The following LAMB2 variants were observed in gnomAD, a reference collection of about 807,000 sequenced individuals.
The protein encoded by LAMB2 is laminin subunit beta 2.
Under a neutral mutation model 202.7 loss-of-function variants are expected in LAMB2, and 119 were observed. That is an observed-to-expected ratio of 0.59 (90% CI 0.51 to 0.68). LAMB2 has a LOEUF of 0.68. LAMB2 is among the 30% of genes least tolerant of loss of function. LAMB2 has a pLI of 0.00. For synonymous variants in LAMB2, 818 were observed against 902.2 expected, an observed-to-expected ratio of 0.91 and a Z score of 1.67; for missense variants, 2,124 against 2,410.6, an observed-to-expected ratio of 0.88 and a Z score of 2.49.
chr3:49,126,166 G>C lies in LAMB2; in HGVS notation c.2152-7C>G, dbSNP rs1305912740. On this transcript the variant is annotated splice_polypyrimidine_tract_variant and splice_region_variant and intron_variant, in intron 16 of 31. Transcript: ENST00000305544. The stretch of plus-strand genomic sequence containing the variant: ...CACGGGGCAGCAGCACCAGCTGAAG[G>C]AGTGAGCAAGGAAGATCGCAGTTCA... 1 of 1,611,596 alleles carries C rather than the reference G, an allele frequency of 6.2e-7. No homozygotes were observed. Among genetic ancestry groups the C allele is most frequent in the Admixed American group, 1.7e-5 (1 of 60,012 alleles).
At position 49,121,376 on chromosome 3, in the gene LAMB2, G is replaced by T. The variant is rs773878011; in HGVS notation, c.5261-14C>A. 8 of 1,614,110 alleles carry T rather than the reference G, an allele frequency of 5.0e-6. No individual in the cohort carries two copies. Among genetic ancestry groups the T allele is most frequent in the Non-Finnish European group, 6.8e-6 (8 of 1,180,022 alleles). On this transcript the variant is annotated splice_polypyrimidine_tract_variant and intron_variant, in intron 31 of 31. Transcript: ENST00000305544. ...TGCCTTCCAATTCTAGGAAGGGCAG[G>T]TGTCAGTTTAGGGGGGGTTTCCCGC...
rs2107644353 is a variant in LAMB2, at chr3:49,131,102, A to G, written c.763T>C (p.Leu255=). The change falls in exon 7 of 32, where the codon TTG becomes CTG. Residue 255 remains leucine (L), a synonymous_variant. Transcript: ENST00000305544. The surrounding 1 kb of genome is among the most constrained non-coding windows in gnomAD (Gnocchi z 5.0). The part of the protein sequence containing the change: ...LRVNLTRLHT[L]GDNLLDPRRE... Reference sequence around the variant, plus strand: ...CGTGGGTCGAGTAGGTTGTCTCCCAACGTGTGTAGACGAGTCAGGTTCACC... The same window carrying G: ...CGTGGGTCGAGTAGGTTGTCTCCCAGCGTGTGTAGACGAGTCAGGTTCACC... The G allele has an allele frequency of 1.2e-6, 2 of 1,613,624 alleles. No individual in the cohort carries two copies. The highest frequency in any genetic ancestry group is 2.2e-5 in the South Asian group (2 of 91,076).
Position 49,132,581 on chromosome 3 carries a change from G to A in LAMB2, c.159C>T (p.Asp53=). The change falls in exon 2 of 32, where the codon GAC becomes GAT. Residue 53 remains aspartate (D), a synonymous_variant. Transcript: ENST00000305544. The surrounding 1 kb of genome is among the most constrained non-coding windows in gnomAD (Gnocchi z 4.6). The part of the protein sequence containing the change: ...SRGSCYPATG[D]LLVGRADRLT... ...GTCTGTCAGCTCGGCCCACCAGCAG[G>A]TCGCCCGTGGCGGGGTAGCAGCTTC... 1.9e-6 allele frequency: 3 copies of A among 1,613,822 alleles called. No individual in the cohort carries two copies. Among genetic ancestry groups the A allele is most frequent in the Non-Finnish European group, 2.5e-6 (3 of 1,180,040 alleles).
At chr3:49,126,320 G>A (rs752951640) in intron 16 of LAMB2, 45 bp downstream of exon 16, 38 of 1,613,486 alleles carry the variant, frequency 2.4e-5, no homozygotes, top group Middle Eastern at 1.6e-4. Flanking sequence ...CCCACACCAC[G>A]GGCCCTGCCA....
Position 49,121,502 on chromosome 3 carries a change from C to T in LAMB2, c.5191G>A (p.Ala1731Thr), listed in dbSNP as rs779386226. 2.5e-6 allele frequency: 4 copies of T among 1,613,950 alleles called. No individual in the cohort carries two copies. The highest frequency in any genetic ancestry group is 3.4e-6 in the Non-Finnish European group (4 of 1,180,044). The stretch of plus-strand genomic sequence containing the variant: ...CGAGCCTCATCCCGCAGTTGTTCTG[C>T]CCTTGCCTGTGCAGCCAGCACACCT... ...AQGVLAAQAR[A>T]EQLRDEARDL... Residue 1731 changes from alanine to threonine, a missense_variant, in exon 31 of 32, where the codon GCA becomes ACA. Physicochemically the swap from Ala to Thr is moderately conservative, Grantham distance 58. Transcript: ENST00000305544.
chr3:49,130,288 G>A lies in LAMB2; in HGVS notation c.1168C>T (p.Arg390Trp), dbSNP rs749837474. 3.0e-5 allele frequency: 48 copies of A among 1,614,094 alleles called. No individual in the cohort carries two copies. The highest frequency in any genetic ancestry group is 2.2e-5 in the South Asian group (2 of 91,088). Residue 390 changes from arginine (R) to tryptophan (W), a missense_variant, in exon 9 of 32, where the codon CGG (arginine) becomes TGG (tryptophan). Transcript: ENST00000305544. This position sits in a 1 kb window ranked among gnomAD's most constrained non-coding sequence, Gnocchi z 5.0. The part of the protein sequence containing the change: ...NTAGRHCELC[R>W]PFFYRDPTKD... ...GTTGGGTCACGGTAGAAGAAGGGCC[G>A]ACAGAGCTCACAGTGGCGCCCAGCT...
In LAMB2 at chr3:49,132,629, C is replaced by A; in HGVS notation, c.111G>T (p.Pro37=). Residue 37 remains proline (P), a synonymous_variant, in exon 2 of 32, where the codon CCG becomes CCT. Coordinates refer to ENST00000305544, the MANE Select transcript of LAMB2 (RefSeq NM_002292.4). The surrounding 1 kb of genome is among the most constrained non-coding windows in gnomAD (Gnocchi z 4.6). ...LAATLAQAPA[P]DVPGCSRGSC... is the part of the protein sequence containing the mutation. ...TTCCCCTGGAACAGCCAGGCACATC[C>A]GGGGCAGGGGCCTGTGCCAGTGTGG... 1 of 1,613,992 alleles carries A rather than the reference C, an allele frequency of 6.2e-7. No homozygotes were observed. Among genetic ancestry groups the A allele is most frequent in the Non-Finnish European group, 8.5e-7 (1 of 1,180,012 alleles).
chr3:49,131,172 G>T lies in LAMB2; in HGVS notation c.713-20C>A, dbSNP rs761966305. The T allele has an allele frequency of 1.2e-6, 2 of 1,610,672 alleles. No individual in the cohort carries two copies. Among genetic ancestry groups the T allele is most frequent in the Non-Finnish European group, 1.7e-6 (2 of 1,178,218 alleles). ...ACAGGTCTGAGGCGGGGGAAGGGGG[G>T]CCAACTGACCAGGCAGGCCCTTGCT... On this transcript the variant is annotated intron_variant, in intron 6 of 31. Coordinates refer to ENST00000305544, the MANE Select transcript of LAMB2 (RefSeq NM_002292.4). This position sits in a 1 kb window ranked among gnomAD's most constrained non-coding sequence, Gnocchi z 5.0.
At position 49,131,451 on chromosome 3, in the gene LAMB2, G is replaced by A; in HGVS notation, c.649-9C>T. 3 of 1,614,116 alleles carry A rather than the reference G, an allele frequency of 1.9e-6. No individual in the cohort carries two copies. The highest frequency in any genetic ancestry group is 2.5e-6 in the Non-Finnish European group (3 of 1,180,010). ...AGCACACGATAGATGACCTGGAGAA[G>A]CAGGGAGTTCATAGTCACACTGGAC... On this transcript the variant is annotated splice_polypyrimidine_tract_variant and intron_variant, in intron 5 of 31. Coordinates refer to ENST00000305544, the MANE Select transcript of LAMB2 (RefSeq NM_002292.4). The surrounding 1 kb of genome is among the most constrained non-coding windows in gnomAD (Gnocchi z 5.0).
At chr3:49,127,372 C>T (rs1390912704) in intron 15 of LAMB2, among the ~76,000 whole-genome samples, 7 of 152,098 alleles carry the variant, frequency 4.6e-5, no homozygotes, top group Non-Finnish European at 1.0e-4. Context: ...ATTCTCTTTC[C>T]TTCTGTTTGA....
chr3:49,124,836 T>C lies in LAMB2; in HGVS notation c.2974A>G (p.Ile992Val), dbSNP rs529614319. 369 of 1,614,114 alleles carry C rather than the reference T, an allele frequency of 2.3e-4. 2 individuals are homozygous for C. In the South Asian group the frequency reaches 3.9e-3, roughly 17 times the overall value. Reference sequence around the variant, plus strand: ...CAGGCATCAGGATCCATTGGGTCAATGTTCCCACTGCACTCACACAGTTGG... The same window carrying C: ...CAGGCATCAGGATCCATTGGGTCAACGTTCCCACTGCACTCACACAGTTGG... ...RCQLCECSGN[I>V]DPMDPDACDP... Residue 992 changes from isoleucine (I) to valine (V), a missense_variant, in exon 21 of 32, where the codon ATT becomes GTT. Around this residue, in one of 3 missense-constraint regions of LAMB2, gnomAD observed 1,702 missense variants for 1,896.3 expected, o/e 0.90. Transcript: ENST00000305544.
In LAMB2 at chr3:49,129,094, C is replaced by T. The variant is rs1040055418; in HGVS notation, c.1657G>A (p.Glu553Lys). 1 of 1,613,974 alleles carries T rather than the reference C, an allele frequency of 6.2e-7. No homozygotes were observed. Among genetic ancestry groups the T allele is most frequent in the Admixed American group, 1.7e-5 (1 of 60,024 alleles). The change falls in exon 13 of 32, where the codon GAG becomes AAG. Residue 553 changes from glutamate (E) to lysine (K), a missense_variant. Glu to Lys is a moderately conservative substitution (Grantham distance 56). This residue lies in a region of LAMB2 where 1,702 missense variants were observed against 1,896.3 expected (regional missense o/e 0.90). Transcript: ENST00000305544. This position sits in a 1 kb window ranked among gnomAD's most constrained non-coding sequence, Gnocchi z 6.1. ...CGGAAGTAGCCAGGTTGCACCTGCT[C>T]ACAGCGTCGCCCAACCATGTGCTGG... is the stretch of plus-strand genomic sequence containing the variant. ...CRQHMVGRRC[E>K]QVQPGYFRPF...
rs758124972 is a variant in LAMB2, at chr3:49,124,582, G to A, written c.3140C>T (p.Pro1047Leu). Residue 1047 changes from proline (P) to leucine (L), a missense_variant, in exon 22 of 32, where the codon CCG (proline) becomes CTG (leucine). By Grantham distance (98) the Pro-to-Leu change is moderately conservative. This residue lies in a region of LAMB2 where 1,702 missense variants were observed against 1,896.3 expected (regional missense o/e 0.90). Transcript: ENST00000305544. ...RCTCNLLGTN[P>L]QQCPSPDQCH... Reference sequence around the variant, plus strand: ...CTGGTCAGGAGATGGGCACTGCTGCGGATTTGTGCCCAGCAGGTTGCATGT... The same window carrying A: ...CTGGTCAGGAGATGGGCACTGCTGCAGATTTGTGCCCAGCAGGTTGCATGT... The A allele has an allele frequency of 1.5e-5, 25 of 1,613,586 alleles. No individual in the cohort carries two copies. The highest frequency in any genetic ancestry group is 1.0e-4 in the Admixed American group (6 of 59,974).
Position 49,131,915 on chromosome 3 carries a change from G to C in LAMB2, c.460-192C>G, listed in dbSNP as rs963946202. ...AGACTCAGGGTTCATGGGGCTCAGGGAGACAGCGCCTGACCCAGCCTGGGA... is the reference window on the plus strand; with the variant it reads ...AGACTCAGGGTTCATGGGGCTCAGGCAGACAGCGCCTGACCCAGCCTGGGA... On this transcript the variant is annotated intron_variant, in intron 4 of 31. Transcript: ENST00000305544. This position sits in a 1 kb window ranked among gnomAD's most constrained non-coding sequence, Gnocchi z 5.0. 2.0e-5 allele frequency among the ~76,000 whole-genome samples: 3 copies of C among 152,202 alleles called. No homozygotes were observed. The highest frequency in any genetic ancestry group is 6.5e-5 in the Admixed American group (1 of 15,278).
Position 49,125,412 on chromosome 3 carries a change from G to C in LAMB2, c.2561C>G (p.Thr854Ser). Residue 854 changes from threonine (T) to serine (S), a missense_variant, in exon 19 of 32, where the codon ACT becomes AGT. This residue lies in a region of LAMB2 where 1,702 missense variants were observed against 1,896.3 expected (regional missense o/e 0.90). Coordinates refer to ENST00000305544, the MANE Select transcript of LAMB2 (RefSeq NM_002292.4). ...GTCACAGCGAAGCCCAAAGGCACCAGTTCGACAGAGACATTGCCCACTGGT... is the reference window on the plus strand; with the variant it reads ...GTCACAGCGAAGCCCAAAGGCACCACTTCGACAGAGACATTGCCCACTGGT... ...EKTSGQCLCR[T>S]GAFGLRCDRC... The C allele has an allele frequency of 6.2e-7, 1 of 1,613,996 alleles. No individual in the cohort carries two copies.
chr3:49,122,201 A>G lies in LAMB2; in HGVS notation c.4743T>C (p.Arg1581=). The G allele has an allele frequency of 6.2e-7, 1 of 1,613,444 alleles. No individual in the cohort carries two copies. Among genetic ancestry groups the G allele is most frequent in the Non-Finnish European group, 8.5e-7 (1 of 1,180,030 alleles). ...CATCCTGCAGTAGCTGCTCGGCACG[A>G]CGCACATCTCCTACAGTACGTGCCA... ...AILARTVGDV[R]RAEQLLQDAR... Residue 1581 remains arginine (R), a synonymous_variant, in exon 28 of 32, where the codon CGT becomes CGC. Coordinates refer to ENST00000305544, the MANE Select transcript of LAMB2 (RefSeq NM_002292.4).
chr3:49,126,292 C>T, intron 16 of LAMB2, 73 bp downstream of exon 16: 3 of 1,610,818 alleles, frequency 1.9e-6, no homozygotes, highest in Non-Finnish European at 2.5e-6. Context: ...TGCCACAGAC[C>T]CCTGCTATCC....
rs2045417148 is a variant in LAMB2 at position 49,126,500 on chromosome 3, G to T, written c.2019-3C>A. ...CAGGATTAGGAAATATCAAGTACCT[G>T]GGGGCGAGTGGGGACAGGTGCAGTG... On this transcript the variant is annotated splice_region_variant and splice_polypyrimidine_tract_variant and intron_variant, in intron 15 of 31. Coordinates refer to ENST00000305544, the MANE Select transcript of LAMB2 (RefSeq NM_002292.4). 6.2e-7 allele frequency: 1 copy of T among 1,613,974 alleles called. No individual in the cohort carries two copies.
rs754156525 is a variant in LAMB2 at position 49,121,277 on chromosome 3, G to A, written c.5346C>T (p.Ser1782=). The A allele has an allele frequency of 8.7e-6, 14 of 1,612,638 alleles. No homozygotes were observed. In the South Asian group the frequency reaches 1.1e-4, roughly 13 times the overall value. The part of the protein sequence containing the change: ...QLDGLEARMR[S]VLQAINLQVQ... ...CCTGCAAGTTGATGGCTTGAAGCACGCTGCGCATCCTGGCCTCCAACCCGT... is the reference window on the plus strand; with the variant it reads ...CCTGCAAGTTGATGGCTTGAAGCACACTGCGCATCCTGGCCTCCAACCCGT... The change falls in exon 32 of 32, where the codon AGC becomes AGT. Residue 1782 remains serine (S), a synonymous_variant. Coordinates refer to ENST00000305544, the MANE Select transcript of LAMB2 (RefSeq NM_002292.4).
Sources: allele counts gnomAD v4.1 joint callset (sites outside exome capture counted in the v4.1 genomes callset), GRCh38; gene constraint gnomAD v4.1.1; regional missense constraint gnomAD v4.1.1; non-coding constraint Gnocchi (gnomAD v3.1); transcripts MANE v1.5; gene names NCBI Gene and HGNC (gene_info 2026-07-23, HGNC 2026-07-21).